The following FKRP variants were observed in gnomAD, a reference collection of about 807,000 sequenced individuals.
FKRP encodes the protein fukutin related protein, also known as ribitol 5-phosphate transferase FKRP.
In FKRP, 25 loss-of-function variants were observed where a neutral mutation model predicts 30.6. The observed-to-expected ratio is 0.82, with a 90% confidence interval of 0.60 to 1.14. The LOEUF (loss-of-function observed/expected upper bound fraction) is 1.14. FKRP is among the 50% of genes most tolerant of loss of function. The pLI is 0.00. For synonymous variants in FKRP, 358 were observed against 342.5 expected (o/e 1.05, Z -0.50); for missense variants, 771 against 727.8 (o/e 1.06, Z -0.68).
chr19:46,750,832 G>T (rs114737174), intron 3 of FKRP, among the ~76,000 whole-genome samples: 1 of 151,854 alleles, frequency 6.6e-6, no homozygotes, highest in East Asian at 1.9e-4. Flanking sequence ...CCCAGCCCAC[G>T]TTCCTTATCT....
Position 46,756,738 on chromosome 19 carries a change from G to T in FKRP, c.1288G>T (p.Asp430Tyr). 1 of 1,609,888 alleles carries T rather than the reference G, an allele frequency of 6.2e-7. No individual in the cohort carries two copies. The highest frequency in any genetic ancestry group is 8.5e-7 in the Non-Finnish European group (1 of 1,178,356). Residue 430 changes from aspartate (D) to tyrosine (Y), a missense_variant, in exon 4 of 4, where the codon GAC (aspartate) becomes TAC (tyrosine). Asp to Tyr is a radical substitution (Grantham distance 160). Coordinates refer to ENST00000318584, the MANE Select transcript of FKRP (RefSeq NM_024301.5). The surrounding 1 kb of genome is among the most constrained non-coding windows in gnomAD (Gnocchi z 6.6). ...CCCCCGCAATGGCGTCATGACCAAG[G>T]ACACGTGGCTGGACCACCGGCAGGA... ...FYPRNGVMTK[D>Y]TWLDHRQDVE... is the part of the protein sequence containing the mutation.
At chr19:46,748,301 C>T (rs2054710931) in intron 2 of FKRP, among the ~76,000 whole-genome samples, 1 of 152,140 alleles carries the variant, frequency 6.6e-6, no homozygotes. Context: ...CCTCAGCCTC[C>T]CGAGTAGCTG....
At chr19:46,747,575 T>C (rs1045372417) in intron 1 of FKRP, 2 of 151,656 alleles carry the variant, frequency 1.3e-5, no homozygotes, top group Admixed American at 1.3e-4. Context: ...TTTTTTATTT[T>C]TAGTAAAGAC....
chr19:46,745,487 T>C (rs983764776), upstream of FKRP, among the ~76,000 whole-genome samples: 1 of 151,472 alleles, frequency 6.6e-6, no homozygotes, highest in East Asian at 2.0e-4. Flanking sequence ...TACACAGCCC[T>C]CCTTCCGTGC....
chr19:46,746,233 C>A, intron 1 of FKRP, 143 bp downstream of exon 1: 3 of 1,524,700 alleles, frequency 2.0e-6, no homozygotes, highest in Admixed American at 1.9e-5. Flanking sequence ...GCAGGATCCC[C>A]GGCAGGCTCA....
intron 1 of FKRP, chr19:46,746,688 C>G (rs369487077): frequency 6.5e-6 from 1 of 152,804 alleles, no homozygotes; most frequent in Admixed American, 6.5e-5. Flanking sequence ...GACGGTCCCC[C>G]TCGCTGGAGT....
intron 3 of FKRP, among the ~76,000 whole-genome samples, chr19:46,753,285 C>T (rs113374757): frequency 0.19 from 22,993 of 120,726 alleles, 1,901 homozygotes; most frequent in African/African-American, 0.2. Flanking sequence ...GACCAACATC[C>T]CGTCTCTACT....
rs765643294 is a variant in FKRP, at chr19:46,755,426, C to G, written c.-25C>G. ...CCCTCCCCCAGGATGCCCCGGAGGC[C>G]CAGCTAGCCCCAGACTTCGGCCCCA... On this transcript the variant is annotated 5_prime_UTR_variant, in exon 4 of 4. Transcript: ENST00000318584. 1.3e-6 allele frequency: 2 copies of G among 1,593,666 alleles called. No individual in the cohort carries two copies. The highest frequency in any genetic ancestry group is 1.3e-5 in the African/African-American group (1 of 74,584).
chr19:46,750,102 T>G (rs1320882952), intron 3 of FKRP, among the ~76,000 whole-genome samples: 2 of 152,264 alleles, frequency 1.3e-5, no homozygotes, highest in Non-Finnish European at 1.5e-5. Flanking sequence ...TGGCACATGG[T>G]GAGCTGCTAG....
At chr19:46,754,237 T>A (rs1047127797) in intron 3 of FKRP, 9 of 151,966 alleles carry the variant, frequency 5.9e-5, no homozygotes, top group Admixed American at 4.6e-4. Flanking sequence ...GAAGTCTCCT[T>A]ATGTTACTCA....
Position 46,755,724 on chromosome 19 carries a change from G to GCCCTGC in FKRP, c.278_283dup (p.Leu93_Pro94dup), listed in dbSNP as rs1220815256. On this transcript the variant is annotated inframe_insertion, in exon 4 of 4. Coordinates refer to ENST00000318584, the MANE Select transcript of FKRP (RefSeq NM_024301.5). ...CGACACGCTCCCCTACCCGCCCCTGGCCCTGCCCCGCATCCCCAACGTGCG... is the reference window on the plus strand; with the variant it reads ...CGACACGCTCCCCTACCCGCCCCTGGCCCTGCCCCTGCCCCGCATCCCCAACGTGCG... The GCCCTGC allele has an allele frequency of 6.4e-7, 1 of 1,572,816 alleles. No homozygotes were observed. Among genetic ancestry groups the GCCCTGC allele is most frequent in the African/African-American group, 1.4e-5 (1 of 74,022 alleles).
At position 46,756,604 on chromosome 19, in the gene FKRP, C is replaced by G. The variant is rs104894680; in HGVS notation, c.1154C>G (p.Ser385Trp). ...CEQLRGAEAGSVVDERGFVWE... is the reference protein window; with the variant it reads ...CEQLRGAEAGWVVDERGFVWE... ...CAGCTGCGGGGGGCAGAGGCCGGCT[C>G]GGTGGTGGATGAGCGCGGCTTCGTA... is the stretch of plus-strand genomic sequence containing the variant. Residue 385 changes from serine (S) to tryptophan (W), a missense_variant, in exon 4 of 4, where the codon TCG becomes TGG. By Grantham distance (177) the Ser-to-Trp change is radical. Coordinates refer to ENST00000318584, the MANE Select transcript of FKRP (RefSeq NM_024301.5). This position sits in a 1 kb window ranked among gnomAD's most constrained non-coding sequence, Gnocchi z 6.6. 3 of 1,611,398 alleles carry G rather than the reference C, an allele frequency of 1.9e-6. No individual in the cohort carries two copies. The highest frequency in any genetic ancestry group is 2.5e-6 in the Non-Finnish European group (3 of 1,179,182).
rs1243082846 is a variant in FKRP at position 46,746,389 on chromosome 19, G to GGCGGCGGCGGCGACC, written c.-253+308_-253+322dup. 9.5e-5 allele frequency: 103 copies of GGCGGCGGCGGCGACC among 1,087,606 alleles called. No individual in the cohort carries two copies. In the African/African-American group the frequency reaches 1.0e-3, roughly 11 times the overall value. The allele number at this position is 1,087,606 out of a possible 1,614,324, so 67.4% of individuals were successfully genotyped here. ...CTGAGCCGAGCGGACGGCAGGAGGA[G>GGCGGCGGCGGCGACC]GCGGCGGCGGCGACCGCGGCGGCCG... On this transcript the variant is annotated intron_variant, in intron 1 of 3. Coordinates refer to ENST00000318584, the MANE Select transcript of FKRP (RefSeq NM_024301.5).
Position 46,746,133 on chromosome 19 carries a change from C to G in FKRP, c.-253+43C>G, listed in dbSNP as rs1471359914. 4 of 1,489,528 alleles carry G rather than the reference C, an allele frequency of 2.7e-6. No individual in the cohort carries two copies. In the East Asian group the frequency reaches 1.2e-4, roughly 44 times the overall value. 92.3% of individuals were successfully genotyped at this position (1,489,528 alleles called of 1,614,324 possible). ...CGGGCCGGGTTGGGGGTCGGGGGTC[C>G]CGGGACAGCGCTCACCTGTAACTCG... On this transcript the variant is annotated intron_variant, in intron 1 of 3. Coordinates refer to ENST00000318584, the MANE Select transcript of FKRP (RefSeq NM_024301.5).
At chr19:46,753,518 A>G (rs2054837876) in intron 3 of FKRP, among the ~76,000 whole-genome samples, 1 of 151,314 alleles carries the variant, frequency 6.6e-6, no homozygotes, top group Non-Finnish European at 1.5e-5. Context: ...AGGGTGACTT[A>G]AACATACAGG....
At position 46,756,113 on chromosome 19, in the gene FKRP, C is replaced by G; in HGVS notation, c.663C>G (p.Ser221Arg). 2 of 1,525,176 alleles carry G rather than the reference C, an allele frequency of 1.3e-6. No individual in the cohort carries two copies. Among genetic ancestry groups the G allele is most frequent in the Non-Finnish European group, 1.7e-6 (2 of 1,146,562 alleles). The allele number at this position is 1,525,176 out of a possible 1,614,324, so 94.5% of individuals were successfully genotyped here. Reference protein sequence around the residue: ...SAPLARPVGTSLFLQTALRGW... With the variant: ...SAPLARPVGTRLFLQTALRGW... The stretch of plus-strand genomic sequence containing the variant: ...CCCTGGCCCGGCCGGTGGGCACCAG[C>G]CTCTTTCTGCAGACCGCCCTTCGCG... The change falls in exon 4 of 4, where the codon AGC becomes AGG. Residue 221 changes from serine to arginine, a missense_variant. Physicochemically the swap from Ser to Arg is moderately radical, Grantham distance 110. Transcript: ENST00000318584. This position sits in a 1 kb window ranked among gnomAD's most constrained non-coding sequence, Gnocchi z 6.6.
At chr19:46,746,049 C>A (rs1171797648), upstream of FKRP, 60 of 1,200,068 alleles carry the variant, frequency 5.0e-5, no homozygotes, top group Non-Finnish European at 7.4e-6. Flanking sequence ...GCCGGCCGTC[C>A]CGGCGGCCAT....
In FKRP at chr19:46,755,457, C is replaced by G. The variant is rs1329306715; in HGVS notation, c.7C>G (p.Leu3Val). ...AGCCCCAGACTTCGGCCCCATGCGGCTCACCCGCTGCCAGGCTGCCCTGGC... is the reference window on the plus strand; with the variant it reads ...AGCCCCAGACTTCGGCCCCATGCGGGTCACCCGCTGCCAGGCTGCCCTGGC... The part of the protein sequence containing the change: MR[L>V]TRCQAALAAA... The change falls in exon 4 of 4, where the codon CTC becomes GTC. Residue 3 changes from leucine (L) to valine (V), a missense_variant. Transcript: ENST00000318584. 3.1e-6 allele frequency: 5 copies of G among 1,606,064 alleles called. No homozygotes were observed. Among genetic ancestry groups the G allele is most frequent in the Non-Finnish European group, 3.4e-6 (4 of 1,179,200 alleles).
chr19:46,754,593 G>GGTTT (rs1325282725), intron 3 of FKRP, among the ~76,000 whole-genome samples: 2 of 142,262 alleles, frequency 1.4e-5, no homozygotes, highest in African/African-American at 5.4e-5. Context: ...GTTTTAAATT[G>GGTTT]GTTTGTTTAT....
Sources: allele counts gnomAD v4.1 joint callset (sites outside exome capture counted in the v4.1 genomes callset), GRCh38; gene constraint gnomAD v4.1.1; non-coding constraint Gnocchi (gnomAD v3.1); transcripts MANE v1.5; gene names NCBI Gene and HGNC (gene_info 2026-07-23, HGNC 2026-07-21).